Variants in CHEK1 observed in about 807,000 individuals in gnomAD.
CHEK1 encodes the protein serine/threonine-protein kinase Chk1.
A neutral mutation model predicts 60.2 loss-of-function variants in CHEK1; 32 were observed. That is an observed-to-expected ratio of 0.53 (90% CI 0.40 to 0.71). The LOEUF (loss-of-function observed/expected upper bound fraction) is 0.71. Among genes scored for constraint, CHEK1 ranks in the 30% least tolerant of loss-of-function variants. The pLI is 0.00. For missense variants in CHEK1, 399 were observed against 564.6 expected (o/e 0.71, Z 2.97); for synonymous variants, 179 against 187.2 (o/e 0.96, Z 0.36).
intron 5 of CHEK1, among the ~76,000 whole-genome samples, chr11:125,630,042 T>A (rs1383475742): frequency 1.3e-5 from 2 of 152,072 alleles, no homozygotes; most frequent in African/African-American, 2.4e-5. Flanking sequence ...TTTAAAATAA[T>A]CCTTTAATGG....
At chr11:125,680,260 G>C (rs754233073), downstream of CHEK1, among the ~76,000 whole-genome samples, 1 of 152,200 alleles carries the variant, frequency 6.6e-6, no homozygotes, top group Non-Finnish European at 1.5e-5. Context: ...AAACCTGATT[G>C]ATATAACACA....
intron 11 of CHEK1, among the ~76,000 whole-genome samples, chr11:125,645,920 GTCT>G (rs1941483851): frequency 6.6e-6 from 1 of 151,296 alleles, no homozygotes; most frequent in African/African-American, 2.4e-5. Context: ...CAGCCTGATA[GTCT>G]TCTCACTCAC....
intron 7 of CHEK1, among the ~76,000 whole-genome samples, chr11:125,636,504 A>G (rs2136000949): frequency 6.6e-6 from 1 of 152,238 alleles, no homozygotes; most frequent in South Asian, 2.1e-4. Context: ...AGTTTTTATT[A>G]TTATGGCTTA....
chr11:125,654,069 G>A (rs1282114671), intron 12 of CHEK1, among the ~76,000 whole-genome samples: 1 of 152,062 alleles, frequency 6.6e-6, no homozygotes. Context: ...GGTGGCTCAT[G>A]CCTGTAATCC....
intron 10 of CHEK1, 113 bp downstream of exon 10, chr11:125,644,381 T>G: frequency 6.9e-7 from 1 of 1,450,624 alleles, no homozygotes; most frequent in East Asian, 2.3e-5. Flanking sequence ...ACATGTATTC[T>G]TTTTTGGTCA....
downstream of CHEK1, among the ~76,000 whole-genome samples, chr11:125,657,750 G>A (rs1190126012): frequency 6.6e-6 from 1 of 152,112 alleles, no homozygotes; most frequent in Non-Finnish European, 1.5e-5. Flanking sequence ...TATTTGGATT[G>A]TGTACAGTTC....
chr11:125,632,191 CA>C (rs1313759377), intron 5 of CHEK1, among the ~76,000 whole-genome samples: 1 of 152,230 alleles, frequency 6.6e-6, no homozygotes, highest in African/African-American at 2.4e-5. Context: ...TGATTGTTTT[CA>C]AAACCTACCT....
intron 8 of CHEK1, among the ~76,000 whole-genome samples, chr11:125,640,791 C>G (rs1941273476): frequency 6.6e-6 from 1 of 151,698 alleles, no homozygotes; most frequent in African/African-American, 2.4e-5. Flanking sequence ...GCTTTTCTAC[C>G]AAAAATACAA....
intron 3 of CHEK1, 148 bp from the exon 4 acceptor site, chr11:125,629,083 TA>T: frequency 1.5e-6 from 1 of 673,008 alleles, no homozygotes; most frequent in Non-Finnish European, 2.6e-6. Context: ...TTAAGCCCCA[TA>T]TGTGTTAGTG....
At chr11:125,654,767 T>C (rs1941855646) in intron 12 of CHEK1, among the ~76,000 whole-genome samples, 1 of 152,244 alleles carries the variant, frequency 6.6e-6, no homozygotes, top group Non-Finnish European at 1.5e-5. Context: ...CAATACTGTT[T>C]TTCAGATGCT....
intron 11 of CHEK1, among the ~76,000 whole-genome samples, chr11:125,650,971 A>C (rs1941703011): frequency 6.6e-6 from 1 of 152,130 alleles, no homozygotes; most frequent in Non-Finnish European, 1.5e-5. Context: ...GCAAAATGCA[A>C]AGTTAGGGCA....
At chr11:125,668,485 T>C (rs924011510) in intron 13 of CHEK1, among the ~76,000 whole-genome samples, 2 of 152,218 alleles carry the variant, frequency 1.3e-5, no homozygotes, top group African/African-American at 4.8e-5. Context: ...TTGACCCACC[T>C]AATTGTTGGG....
chr11:125,626,026 G>T lies in CHEK1; in HGVS notation c.-21+14G>T, dbSNP rs908122035. ...AAGGACAGTCCGGTGAGGAAGGGCG[G>T]CCGGTAGAGTAGGGAAGGTTTCTAA... On this transcript the variant is annotated intron_variant, in intron 1 of 12. Transcript: ENST00000438015. 2 of 696,240 alleles carry T rather than the reference G, an allele frequency of 2.9e-6. No individual in the cohort carries two copies. The highest frequency in any genetic ancestry group is 2.0e-5 in the Admixed American group (1 of 49,908). 43.1% of individuals were successfully genotyped at this position (696,240 alleles called of 1,614,324 possible).
At chr11:125,630,071 C>A (rs1940805837) in intron 5 of CHEK1, among the ~76,000 whole-genome samples, 1 of 152,116 alleles carries the variant, frequency 6.6e-6, no homozygotes, top group Non-Finnish European at 1.5e-5. Context: ...AGGGAAGTTC[C>A]TGTGGAATAC....
At chr11:125,667,584 T>A (rs1473401770) in intron 13 of CHEK1, among the ~76,000 whole-genome samples, 1 of 152,218 alleles carries the variant, frequency 6.6e-6, no homozygotes, top group Non-Finnish European at 1.5e-5. Context: ...CTTTCATTTC[T>A]TTTTCTTGCC....
rs185158342 is a variant in CHEK1 at position 125,639,982 on chromosome 11, C to G, written c.814+2438C>G. Among the ~76,000 whole-genome samples, 8 of 152,258 alleles carry G rather than the reference C, an allele frequency of 5.3e-5. No homozygotes were observed. In the East Asian group the frequency reaches 1.4e-3, roughly 26 times the overall value. ...ATCAGCATATCTACATGCTTTTTCT[C>G]CCATTTTAAAATCAAATCATAATGG... is the stretch of plus-strand genomic sequence containing the variant. On this transcript the variant is annotated intron_variant, in intron 8 of 12. Coordinates refer to ENST00000438015, the MANE Select transcript of CHEK1 (RefSeq NM_001114122.3).
At chr11:125,680,697 G>A (rs368139107), downstream of CHEK1, 2 of 1,598,802 alleles carry the variant, frequency 1.3e-6, no homozygotes, top group Non-Finnish European at 1.7e-6. Context: ...GACCCCTTTT[G>A]TATTTACCTG....
rs971677146 is a variant in CHEK1, at chr11:125,656,269, T to A, written c.*949T>A. The A allele has an allele frequency of 1.9e-5, 4 of 213,338 alleles. No homozygotes were observed. The highest frequency in any genetic ancestry group is 3.8e-5 in the Non-Finnish European group (4 of 105,624). The allele number at this position is 213,338 out of a possible 1,614,324, so 13.2% of individuals were successfully genotyped here. ...AGGAGGCTGAGAGAGGAGGATCGCGTGAACCTGGAAGTTTGAGGCTGTAGT... is the reference window on the plus strand; with the variant it reads ...AGGAGGCTGAGAGAGGAGGATCGCGAGAACCTGGAAGTTTGAGGCTGTAGT... On this transcript the variant is annotated 3_prime_UTR_variant, in exon 13 of 13. Transcript: ENST00000438015.
chr11:125,633,890 C>T (rs1940960563), intron 6 of CHEK1, among the ~76,000 whole-genome samples: 1 of 151,958 alleles, frequency 6.6e-6, no homozygotes, highest in East Asian at 1.9e-4. Context: ...TTAGGGGTGC[C>T]AACCTGGTCA....
Sources: allele counts gnomAD v4.1 joint callset (sites outside exome capture counted in the v4.1 genomes callset), GRCh38; gene constraint gnomAD v4.1.1; transcripts MANE v1.5; gene names NCBI Gene and HGNC (gene_info 2026-07-23, HGNC 2026-07-21).